Variants in HMGA2 observed in about 807,000 individuals in gnomAD.
HMGA2 encodes high mobility group protein HMGI-C.
A neutral mutation model predicts 19.1 loss-of-function variants in HMGA2; 8 were observed. The ratio of observed to expected loss-of-function variants is 0.42; its 90% CI spans 0.25 to 0.76. The LOEUF is 0.76. Ranked by LOEUF, HMGA2 falls within the 30% of genes least tolerant of loss-of-function variation. HMGA2 has a pLI of 0.28. For missense variants in HMGA2, 109 were observed against 136.3 expected (o/e 0.80, Z 1.00); for synonymous variants, 60 against 48.8 (o/e 1.23, Z -0.96).
intron 3 of HMGA2, among the ~76,000 whole-genome samples, chr12:65,841,682 T>C (rs184780551): frequency 3.0e-4 from 46 of 152,348 alleles, no homozygotes; most frequent in African/African-American, 1.1e-3. Flanking sequence ...TCATTAGGTA[T>C]ATGGGTTAGA....
intron 2 of HMGA2, among the ~76,000 whole-genome samples, chr12:65,836,272 T>G (rs757438901): frequency 3.3e-5 from 5 of 149,922 alleles, no homozygotes; most frequent in Admixed American, 6.7e-5. Context: ...GGCAGGAGAA[T>G]GGAGTGAACC....
In HMGA2 at chr12:65,960,220, T is replaced by C. The variant is rs569077562; in HGVS notation, c.283-3025T>C. Among the ~76,000 whole-genome samples the C allele has an allele frequency of 1.7e-4, 26 of 152,276 alleles. No homozygotes were observed. In the South Asian group the frequency reaches 5.4e-3, roughly 32 times the overall value. ...ATGTCTTTTAAGTTATTAAAGATGATCGAAGCTCAGGGGTCCCTACCAACT... is the reference window on the plus strand; with the variant it reads ...ATGTCTTTTAAGTTATTAAAGATGACCGAAGCTCAGGGGTCCCTACCAACT... On this transcript the variant is annotated intron_variant, in intron 4 of 4. Transcript: ENST00000403681.
rs1315312278 is a variant in HMGA2 at position 65,855,450 on chromosome 12, T to TCACACA, written c.249+16882_249+16883insACACAC. 4.1e-4 allele frequency among the ~76,000 whole-genome samples: 44 copies of TCACACA among 106,160 alleles called. 1 individual carries two copies. Among genetic ancestry groups the TCACACA allele is most frequent in the African/African-American group, 1.6e-3 (43 of 26,958 alleles). The allele number at this position is 106,160 out of a possible 152,430, so 69.6% of individuals were successfully genotyped here. A position where few individuals can be genotyped will look rare whatever the true frequency, so the allele number is the denominator to read the frequency against. On this transcript the variant is annotated intron_variant, in intron 3 of 4. Coordinates refer to ENST00000403681, the MANE Select transcript of HMGA2 (RefSeq NM_003483.6). ...CCCTCTCTTTCTCTTTCTCTCTCTC[T>TCACACA]CTCTCTCTCACACACACACACACAC...
intron 3 of HMGA2, among the ~76,000 whole-genome samples, chr12:65,869,843 A>G (rs1267617203): frequency 6.6e-6 from 1 of 152,198 alleles, no homozygotes; most frequent in African/African-American, 2.4e-5. Flanking sequence ...TTGCACAGAT[A>G]CACAAGCTAG....
At chr12:65,836,635 A>C (rs995136719) in intron 2 of HMGA2, among the ~76,000 whole-genome samples, 4 of 152,200 alleles carry the variant, frequency 2.6e-5, no homozygotes, top group Admixed American at 2.6e-4. Flanking sequence ...CTCCCTCTCC[A>C]TGAGGCAATG....
chr12:65,842,573 A>G (rs1871046569), intron 3 of HMGA2: 1 of 1,509,710 alleles, frequency 6.6e-7, no homozygotes, highest in East Asian at 2.5e-5. Flanking sequence ...GAACATTTTA[A>G]TTCTCTTTGC....
At chr12:65,835,077 T>C (rs1870656031) in intron 2 of HMGA2, among the ~76,000 whole-genome samples, 1 of 152,212 alleles carries the variant, frequency 6.6e-6, no homozygotes, top group Admixed American at 6.5e-5. Flanking sequence ...ATGTGAGCAA[T>C]AAATAGTGAG....
chr12:65,847,420 A>G (rs1871276477), intron 3 of HMGA2, among the ~76,000 whole-genome samples: 1 of 152,226 alleles, frequency 6.6e-6, no homozygotes, highest in Non-Finnish European at 1.5e-5. Context: ...TAATTTTTAA[A>G]TCACCAGGTC....
At chr12:65,907,889 G>A (rs1173444512) in intron 3 of HMGA2, among the ~76,000 whole-genome samples, 1 of 152,130 alleles carries the variant, frequency 6.6e-6, no homozygotes, top group Non-Finnish European at 1.5e-5. Flanking sequence ...TTCAACGACT[G>A]TGTGACCTAA....
At chr12:65,841,449 T>C (rs746571779) in intron 3 of HMGA2, among the ~76,000 whole-genome samples, 2 of 152,250 alleles carry the variant, frequency 1.3e-5, no homozygotes, top group Non-Finnish European at 2.9e-5. Context: ...AGACAGTGTG[T>C]TTCCTCTTTG....
intron 3 of HMGA2, among the ~76,000 whole-genome samples, chr12:65,892,446 G>A (rs893883569): frequency 1.3e-5 from 2 of 152,154 alleles, no homozygotes; most frequent in African/African-American, 4.8e-5. Context: ...GGGATGCTTT[G>A]AAATTGTGTT....
Position 65,915,513 on chromosome 12 carries a change from G to A in HMGA2, c.250-35870G>A. 2.5e-6 allele frequency: 3 copies of A among 1,183,078 alleles called. No individual in the cohort carries two copies. In the South Asian group the frequency reaches 6.4e-5, roughly 25 times the overall value. 73.3% of individuals were successfully genotyped at this position (1,183,078 alleles called of 1,614,324 possible). ...TGGTGTGGTTTGATTTCATAAAACAGATGCTTAAAAAGTATTCACTGTCTC... is the reference window on the plus strand; with the variant it reads ...TGGTGTGGTTTGATTTCATAAAACAAATGCTTAAAAAGTATTCACTGTCTC... On this transcript the variant is annotated intron_variant, in intron 3 of 4. Transcript: ENST00000403681.
At chr12:65,947,435 A>G (rs765846605) in intron 3 of HMGA2, among the ~76,000 whole-genome samples, 1 of 152,160 alleles carries the variant, frequency 6.6e-6, no homozygotes, top group Non-Finnish European at 1.5e-5. Context: ...AATCCAAAAA[A>G]TTTCTTCAAA....
chr12:65,946,980 A>G (rs1004942086), intron 3 of HMGA2, among the ~76,000 whole-genome samples: 2 of 152,160 alleles, frequency 1.3e-5, no homozygotes, highest in Non-Finnish European at 2.9e-5. Context: ...TTGCTTAAGC[A>G]TTATACTTTC....
At chr12:65,844,646 G>C (rs1247945919) in intron 3 of HMGA2, among the ~76,000 whole-genome samples, 1 of 152,050 alleles carries the variant, frequency 6.6e-6, no homozygotes, top group Non-Finnish European at 1.5e-5. Context: ...GTTAAATGAA[G>C]ACTTTCAAAA....
chr12:65,901,663 T>G (rs1432079461), intron 3 of HMGA2, among the ~76,000 whole-genome samples: 1 of 152,208 alleles, frequency 6.6e-6, no homozygotes, highest in East Asian at 1.9e-4. Context: ...AAACATTCCT[T>G]AAATCACTAA....
intron 3 of HMGA2, among the ~76,000 whole-genome samples, chr12:65,938,866 G>A (rs1875986248): frequency 6.6e-6 from 1 of 152,026 alleles, no homozygotes; most frequent in East Asian, 1.9e-4. Flanking sequence ...AGTTTGCCAT[G>A]TTGCCCATGC....
At chr12:65,864,776 C>T (rs755307221) in intron 3 of HMGA2, among the ~76,000 whole-genome samples, 50 of 152,028 alleles carry the variant, frequency 3.3e-4, no homozygotes, top group Non-Finnish European at 6.5e-4. Flanking sequence ...TTGTCAGTGG[C>T]CTACATTTTT....
At chr12:65,924,780 G>A (rs1335978401) in intron 3 of HMGA2, among the ~76,000 whole-genome samples, 4 of 152,102 alleles carry the variant, frequency 2.6e-5, no homozygotes, top group Non-Finnish European at 4.4e-5. Flanking sequence ...CCTGGCAGTA[G>A]AGCAAGACTC....
Sources: gnomAD v4.1 joint callset for allele counts (sites outside exome capture counted in the v4.1 genomes callset) on GRCh38, gnomAD v4.1.1 for gene constraint, MANE v1.5 for transcripts, NCBI Gene and HGNC (gene_info 2026-07-23, HGNC 2026-07-21) for gene names.